PTBP3: variants seen among roughly 807,000 people sequenced by gnomAD.
The protein encoded by PTBP3 is polypyrimidine tract-binding protein 3.
A neutral mutation model predicts 58.7 loss-of-function variants in PTBP3; 20 were observed. That is an observed-to-expected ratio of 0.34 (90% CI 0.24 to 0.50). The LOEUF (loss-of-function observed/expected upper bound fraction) is 0.50. Among genes scored for constraint, PTBP3 ranks in the 20% least tolerant of loss-of-function variants. PTBP3 has a pLI of 0.98. For missense variants in PTBP3, 509 were observed against 637.2 expected (o/e 0.80, Z 2.17); for synonymous variants, 185 against 219.8 (o/e 0.84, Z 1.40).
At chr9:112,379,003 A>G in the PTBP3 span, among the ~76,000 whole-genome samples, 1 of 152,174 alleles carries the variant, frequency 6.6e-6, no homozygotes, top group Non-Finnish European at 1.5e-5. Context: ...CCAGCCCAAC[A>G]TGGCGAAACC....
At chr9:112,237,799 C>A (rs1336929038) in intron 7 of PTBP3, among the ~76,000 whole-genome samples, 1 of 152,148 alleles carries the variant, frequency 6.6e-6, no homozygotes, top group Admixed American at 6.5e-5. Flanking sequence ...ACCCTATCTA[C>A]TATTCCTCCC....
chr9:112,272,513 C>A (rs1275081787), intron 3 of PTBP3: 1 of 152,152 alleles, frequency 6.6e-6, no homozygotes, highest in Non-Finnish European at 1.5e-5. Flanking sequence ...CAATTCAATT[C>A]TTTTTTTACT....
intron 2 of PTBP3, chr9:112,281,080 G>C (rs1676323219): frequency 6.6e-6 from 1 of 152,126 alleles, no homozygotes; most frequent in Non-Finnish European, 1.5e-5. Context: ...GACTGAGATG[G>C]GAAGATCACT....
intron 8 of PTBP3, among the ~76,000 whole-genome samples, chr9:112,234,254 C>T (rs1228480630): frequency 6.6e-6 from 1 of 152,150 alleles, no homozygotes; most frequent in East Asian, 1.9e-4. Context: ...TAATCAACTC[C>T]TATCTCTTAA....
At chr9:112,314,476 G>A (rs964952212) in intron 1 of PTBP3, among the ~76,000 whole-genome samples, 4 of 152,040 alleles carry the variant, frequency 2.6e-5, no homozygotes, top group African/African-American at 4.8e-5. Context: ...TGGGAGGTTC[G>A]CTTGAGCCCA....
At chr9:112,373,753 TC>T in the PTBP3 span, among the ~76,000 whole-genome samples, 6 of 152,190 alleles carry the variant, frequency 3.9e-5, no homozygotes, top group Admixed American at 6.5e-5. Flanking sequence ...AGTCAATAAA[TC>T]TTATGTCACA....
intron 2 of PTBP3, chr9:112,281,423 A>G (rs531575736): frequency 3.9e-5 from 6 of 152,250 alleles, no homozygotes; most frequent in Admixed American, 6.5e-5. Context: ...CCACCGCTGC[A>G]GCTTGTACTC....
At chr9:112,235,285 A>T (rs1835396934) in intron 7 of PTBP3, among the ~76,000 whole-genome samples, 1 of 152,180 alleles carries the variant, frequency 6.6e-6, no homozygotes, top group Non-Finnish European at 1.5e-5. Flanking sequence ...AGGCTTACAA[A>T]CTAAAAGTAC....
chr9:112,223,757 A>G lies in PTBP3; in HGVS notation c.*94T>C. Reference sequence around the variant, plus strand: ...TATCAAACTCAGAGTTATTTTTGTGAAAGAGGCAAAATTGGTCTTGAGCTG... The same window carrying G: ...TATCAAACTCAGAGTTATTTTTGTGGAAGAGGCAAAATTGGTCTTGAGCTG... On this transcript the variant is annotated 3_prime_UTR_variant, in exon 14 of 14. Transcript: ENST00000374257. 6.6e-7 allele frequency: 1 copy of G among 1,525,060 alleles called. No homozygotes were observed. Among genetic ancestry groups the G allele is most frequent in the Middle Eastern group, 1.8e-4 (1 of 5,650 alleles). The allele number at this position is 1,525,060 out of a possible 1,614,324, so 94.5% of individuals were successfully genotyped here.
intron 6 of PTBP3, among the ~76,000 whole-genome samples, chr9:112,252,044 G>A (rs778447431): frequency 6.6e-6 from 1 of 151,960 alleles, no homozygotes; most frequent in East Asian, 1.9e-4. Flanking sequence ...ATATCAACAA[G>A]AGGTATGTCT....
chr9:112,314,037 T>G (rs976067935), intron 1 of PTBP3, among the ~76,000 whole-genome samples: 1 of 152,244 alleles, frequency 6.6e-6, no homozygotes, highest in African/African-American at 2.4e-5. Context: ...AAGCACTGTA[T>G]TAGGCATTCT....
intron 2 of PTBP3, among the ~76,000 whole-genome samples, chr9:112,289,394 T>C (rs988131484): frequency 3.3e-5 from 5 of 152,092 alleles, no homozygotes; most frequent in African/African-American, 1.2e-4. Context: ...TAAGTTTTAT[T>C]TGATAAAAGG....
intron 1 of PTBP3, chr9:112,332,698 C>A (rs1830424413): frequency 6.6e-7 from 1 of 1,515,030 alleles, no homozygotes; most frequent in Non-Finnish European, 9.0e-7. Context: ...GACTCTAAAT[C>A]TTTTTATTTT....
intron 12 of PTBP3, among the ~76,000 whole-genome samples, chr9:112,227,158 T>C (rs1835021587): frequency 6.6e-6 from 1 of 152,180 alleles, no homozygotes; most frequent in African/African-American, 2.4e-5. Flanking sequence ...TTTATGACCT[T>C]TGATCACTGA....
chr9:112,241,077 GTTATT>G (rs745378679), intron 7 of PTBP3, among the ~76,000 whole-genome samples: 2 of 151,816 alleles, frequency 1.3e-5, no homozygotes, highest in Non-Finnish European at 2.9e-5. Context: ...GTAAGCTAAG[GTTATT>G]TTATTTATTT....
intron 1 of PTBP3, among the ~76,000 whole-genome samples, chr9:112,300,221 C>T (rs2132325029): frequency 6.6e-6 from 1 of 152,154 alleles, no homozygotes; most frequent in African/African-American, 2.4e-5. Context: ...ATATGAATAT[C>T]CTAGGATCCT....
chr9:112,370,617 G>T, the PTBP3 span, among the ~76,000 whole-genome samples: 1 of 152,214 alleles, frequency 6.6e-6, no homozygotes, highest in South Asian at 2.1e-4. Context: ...TATTGGGGAT[G>T]TCTCACAAGT....
At position 112,288,622 on chromosome 9, in the gene PTBP3, C is replaced by T. The variant is rs187307199; in HGVS notation, c.34+9210G>A. ...GTACTTGTTCTCCACTGTCTAAAAA[C>T]AACTACCAGTAAGTCCAGTCCCAGT... On this transcript the variant is annotated intron_variant, in intron 2 of 13. Transcript: ENST00000374257. Among the ~76,000 whole-genome samples the T allele has an allele frequency of 2.6e-5, 4 of 152,324 alleles. No homozygotes were observed. The East Asian group carries it at 7.7e-4, about 29-fold the overall frequency.
At chr9:112,303,187 T>C (rs1480240670) in intron 1 of PTBP3, among the ~76,000 whole-genome samples, 3 of 152,148 alleles carry the variant, frequency 2.0e-5, no homozygotes, top group Non-Finnish European at 4.4e-5. Flanking sequence ...CATCTTTTTA[T>C]GATATTATCC....
Sources: gnomAD v4.1 joint callset for allele counts (sites outside exome capture counted in the v4.1 genomes callset) on GRCh38, gnomAD v4.1.1 for gene constraint, MANE v1.5 for transcripts, NCBI Gene and HGNC (gene_info 2026-07-23, HGNC 2026-07-21) for gene names.